The following EDNRA variants were observed in gnomAD, a reference collection of about 807,000 sequenced individuals.
EDNRA encodes the protein endothelin receptor type A, also known as endothelin-1 receptor.
EDNRA carries 11 observed loss-of-function variants against 41.4 expected under a neutral mutation model. The observed-to-expected ratio is 0.27, with a 90% CI of 0.17 to 0.44. The LOEUF is 0.44. Among genes scored for constraint, EDNRA ranks in the 20% least tolerant of loss-of-function variants. The pLI is 1.00. For missense variants in EDNRA, 294 were observed against 531.0 expected, an observed-to-expected ratio of 0.55 and a Z score of 4.39; for synonymous variants, 172 against 183.0, an observed-to-expected ratio of 0.94 and a Z score of 0.49.
intron 6 of EDNRA, 88 bp downstream of exon 6, chr4:147,540,038 C>G: frequency 2.0e-6 from 3 of 1,490,846 alleles, no homozygotes; most frequent in Non-Finnish European, 2.7e-6. Flanking sequence ...CTCTACATGC[C>G]CGTTAGCCCT....
intron 4 of EDNRA, among the ~76,000 whole-genome samples, chr4:147,534,534 T>C (rs1042620175): frequency 6.6e-6 from 1 of 152,212 alleles, no homozygotes; most frequent in Non-Finnish European, 1.5e-5. Context: ...CAAATCACCA[T>C]AGTGTTTACC....
At chr4:147,520,002 T>C (rs199624902) in intron 3 of EDNRA, 24 bp downstream of exon 3, 2 of 1,590,516 alleles carry the variant, frequency 1.3e-6, no homozygotes, top group Non-Finnish European at 1.7e-6. Flanking sequence ...TTCCCTTTGC[T>C]CTTTGGCTGG....
chr4:147,541,444 C>T (rs1230422072), intron 7 of EDNRA, among the ~76,000 whole-genome samples: 2 of 152,226 alleles, frequency 1.3e-5, no homozygotes, highest in African/African-American at 4.8e-5. Flanking sequence ...CCTCGATGGA[C>T]ATTACAGCCC....
intron 3 of EDNRA, among the ~76,000 whole-genome samples, 169 bp from the exon 4 acceptor site, chr4:147,532,325 CAAAAAAAAAAAA>C (rs59851236): frequency 1.2e-4 from 7 of 60,388 alleles, no homozygotes; most frequent in Admixed American, 2.2e-4. Flanking sequence ...GATTTTGCCT[CAAAAAAAAAAAA>C]AAAAAAAAAA....
In EDNRA at chr4:147,481,277, A is replaced by T. The variant is rs1728742866; in HGVS notation, c.-170A>T. On this transcript the variant is annotated 5_prime_UTR_variant, in exon 1 of 8. Transcript: ENST00000651419. ...CCGCCGCCGCGCCGGAGCCCGGGAC[A>T]CCGGCCACCCTCCGCGCCACCCACC... 1 of 153,038 alleles carries T rather than the reference A, an allele frequency of 6.5e-6. No individual in the cohort carries two copies. Among genetic ancestry groups the T allele is most frequent in the Non-Finnish European group, 1.5e-5 (1 of 68,338 alleles). The allele number at this position is 153,038 out of a possible 1,614,324, so 9.5% of individuals were successfully genotyped here.
chr4:147,527,409 G>A (rs1485741083), intron 3 of EDNRA, among the ~76,000 whole-genome samples: 1 of 152,140 alleles, frequency 6.6e-6, no homozygotes, highest in African/African-American at 2.4e-5. Flanking sequence ...TAAGGGCCAC[G>A]CCCGTGTAGA....
At chr4:147,497,640 T>A (rs1227330378) in intron 2 of EDNRA, among the ~76,000 whole-genome samples, 3 of 152,150 alleles carry the variant, frequency 2.0e-5, no homozygotes, top group Admixed American at 1.3e-4. Context: ...GGCGCGATCT[T>A]GGCTCACTAC....
At chr4:147,534,590 C>T (rs533010784) in intron 4 of EDNRA, among the ~76,000 whole-genome samples, 9 of 152,220 alleles carry the variant, frequency 5.9e-5, no homozygotes, top group African/African-American at 1.7e-4. Flanking sequence ...CATTTTCATA[C>T]GATATAACAC....
At chr4:147,541,629 A>C (rs1731106751) in intron 7 of EDNRA, among the ~76,000 whole-genome samples, 2 of 152,364 alleles carry the variant, frequency 1.3e-5, no homozygotes, top group Middle Eastern at 3.4e-3. Flanking sequence ...GTAGAGAGGA[A>C]AAACACAGTA....
At chr4:147,541,067 CAAAAAAAAAAAA>C (rs10551607) in intron 7 of EDNRA, among the ~76,000 whole-genome samples, 9 of 46,176 alleles carry the variant, frequency 1.9e-4, no homozygotes, top group Admixed American at 3.1e-4. Context: ...GACTCAGTCT[CAAAAAAAAAAAA>C]AAAAAAAAAA....
intron 1 of EDNRA, among the ~76,000 whole-genome samples, chr4:147,485,179 A>C (rs1440665877): frequency 2.6e-5 from 4 of 152,252 alleles, no homozygotes; most frequent in Admixed American, 2.6e-4. Context: ...AGAAGTAACT[A>C]CTACTTAAAG....
intron 2 of EDNRA, among the ~76,000 whole-genome samples, chr4:147,514,777 G>T (rs140456031): frequency 6.6e-6 from 1 of 152,230 alleles, no homozygotes; most frequent in African/African-American, 2.4e-5. Flanking sequence ...CCCAGCCCAA[G>T]ATTTTTTATT....
intron 3 of EDNRA, among the ~76,000 whole-genome samples, chr4:147,530,883 T>C (rs774923291): frequency 2.6e-5 from 4 of 152,162 alleles, no homozygotes; most frequent in Non-Finnish European, 5.9e-5. Context: ...ATTCGGTCTG[T>C]TTTACAGCCT....
At chr4:147,533,598 T>C (rs1220798906) in intron 4 of EDNRA, among the ~76,000 whole-genome samples, 5 of 152,240 alleles carry the variant, frequency 3.3e-5, no homozygotes, top group Non-Finnish European at 5.9e-5. Context: ...TGGAAATTCT[T>C]GTTTTAAAAT....
chr4:147,492,832 G>GT (rs1729184797), intron 2 of EDNRA: 1 of 152,126 alleles, frequency 6.6e-6, no homozygotes, highest in South Asian at 2.1e-4. Flanking sequence ...TTATAAGGAA[G>GT]TTGCTGTCTG....
At chr4:147,536,115 T>A (rs1730912385) in intron 5 of EDNRA, 86 bp downstream of exon 5, 2 of 1,429,002 alleles carry the variant, frequency 1.4e-6, no homozygotes, top group South Asian at 1.2e-5. Flanking sequence ...TTTAGTAGAA[T>A]TAGCCTGATT....
At chr4:147,509,933 C>A (rs1342408649) in intron 2 of EDNRA, among the ~76,000 whole-genome samples, 1 of 152,106 alleles carries the variant, frequency 6.6e-6, no homozygotes, top group Non-Finnish European at 1.5e-5. Context: ...AACCATCCTG[C>A]CCCCGCTGCC....
chr4:147,532,747 T>C, intron 4 of EDNRA, 43 bp downstream of exon 4: 8 of 1,580,448 alleles, frequency 5.1e-6, no homozygotes, highest in Non-Finnish European at 6.1e-6. Context: ...AGGGAGGAGG[T>C]CCTCCGTTAG....
intron 2 of EDNRA, among the ~76,000 whole-genome samples, chr4:147,505,734 C>T (rs1729687882): frequency 6.7e-6 from 1 of 148,958 alleles, no homozygotes; most frequent in Non-Finnish European, 1.5e-5. Flanking sequence ...CTGCAAGCTC[C>T]GCCTCCTGGG....
Sources: gnomAD v4.1 joint callset for allele counts (sites outside exome capture counted in the v4.1 genomes callset) on GRCh38, gnomAD v4.1.1 for gene constraint, MANE v1.5 for transcripts, NCBI Gene and HGNC (gene_info 2026-07-23, HGNC 2026-07-21) for gene names.